The following EEFSEC variants were observed in gnomAD, a reference collection of about 807,000 sequenced individuals.
EEFSEC encodes the protein eukaryotic elongation factor, selenocysteine-tRNA specific.
Under a neutral mutation model 42.1 loss-of-function variants are expected in EEFSEC, and 43 were observed. The ratio of observed to expected loss-of-function variants is 1.02; its 90% CI spans 0.80 to 1.32. EEFSEC has a LOEUF of 1.32. Among genes scored for constraint, EEFSEC ranks in the 40% most tolerant of loss-of-function variants. The pLI, the probability that EEFSEC is intolerant of heterozygous loss-of-function variation, is 0.00. For missense variants in EEFSEC, 745 were observed against 803.6 expected (o/e 0.93, Z 0.88); for synonymous variants, 354 against 339.1 (o/e 1.04, Z -0.48).
At chr3:128,342,328 G>GCC (rs1307804825) in intron 5 of EEFSEC, among the ~76,000 whole-genome samples, 1 of 152,262 alleles carries the variant, frequency 6.6e-6, no homozygotes, top group East Asian at 1.9e-4. Context: ...CTGCCCATGT[G>GCC]CCCCTGCAAG....
intron 1 of EEFSEC, among the ~76,000 whole-genome samples, chr3:128,184,292 C>G (rs1311743423): frequency 6.6e-6 from 1 of 152,160 alleles, no homozygotes; most frequent in African/African-American, 2.4e-5. Flanking sequence ...TCTCCAGAAC[C>G]TTTTCATCTT....
chr3:128,260,126 GA>G (rs1047414117), intron 2 of EEFSEC, among the ~76,000 whole-genome samples: 117 of 148,028 alleles, frequency 7.9e-4, no homozygotes, highest in African/African-American at 2.3e-3. Context: ...TTGGTTGGTA[GA>G]TTTTTTTTAT....
intron 4 of EEFSEC, among the ~76,000 whole-genome samples, chr3:128,277,931 C>T (rs1283420525): frequency 6.6e-6 from 1 of 152,010 alleles, no homozygotes; most frequent in Non-Finnish European, 1.5e-5. Flanking sequence ...ATGCAAAGGC[C>T]CCATGGTGGG....
chr3:128,378,182 A>C (rs1365614618), intron 6 of EEFSEC, among the ~76,000 whole-genome samples: 2 of 152,136 alleles, frequency 1.3e-5, no homozygotes, highest in Non-Finnish European at 2.9e-5. Context: ...ATCCAGAGGC[A>C]CCTCTACCAA....
chr3:128,248,691 G>A (rs1392112684), intron 2 of EEFSEC, among the ~76,000 whole-genome samples: 1 of 151,956 alleles, frequency 6.6e-6, no homozygotes, highest in African/African-American at 2.4e-5. Context: ...AAAAAACCCA[G>A]TACAACCTCA....
intron 5 of EEFSEC, 47 bp from the exon 6 acceptor site, chr3:128,358,170 T>C (rs778275078): frequency 1.9e-5 from 30 of 1,595,576 alleles, no homozygotes; most frequent in Non-Finnish European, 2.2e-5. Flanking sequence ...GCTCTTTCAG[T>C]GTGCACCACT....
At chr3:128,278,673 T>C (rs1336002735) in intron 4 of EEFSEC, among the ~76,000 whole-genome samples, 1 of 152,218 alleles carries the variant, frequency 6.6e-6, no homozygotes, top group Non-Finnish European at 1.5e-5. Context: ...TCTAAAGTTA[T>C]AATTCCGATG....
chr3:128,233,032 C>T (rs1366023875), intron 1 of EEFSEC, among the ~76,000 whole-genome samples: 4 of 152,162 alleles, frequency 2.6e-5, no homozygotes, highest in Non-Finnish European at 2.9e-5. Context: ...TCCTGGCTGA[C>T]GATAAGCTGA....
chr3:128,280,826 A>C (rs145457772), intron 4 of EEFSEC, among the ~76,000 whole-genome samples: 90 of 151,952 alleles, frequency 5.9e-4, no homozygotes, highest in African/African-American at 2.0e-3. Flanking sequence ...GTTTCTGCTC[A>C]TTTCTCTGAA....
intron 4 of EEFSEC, among the ~76,000 whole-genome samples, chr3:128,284,997 C>T (rs2107973446): frequency 6.6e-6 from 1 of 151,848 alleles, no homozygotes; most frequent in African/African-American, 2.4e-5. Flanking sequence ...GACCCCTGGC[C>T]AGGTGGGAGT....
At chr3:128,161,560 C>T (rs1433260725) in intron 1 of EEFSEC, among the ~76,000 whole-genome samples, 2 of 152,208 alleles carry the variant, frequency 1.3e-5, no homozygotes, top group Non-Finnish European at 2.9e-5. Flanking sequence ...CTGCAAAAGA[C>T]TTCTAAGTCT....
chr3:128,362,809 G>A (rs1196827536), intron 6 of EEFSEC, among the ~76,000 whole-genome samples: 4 of 152,216 alleles, frequency 2.6e-5, no homozygotes, highest in East Asian at 3.9e-4. Flanking sequence ...TCCTAGCAGC[G>A]GGTGCTGCTC....
intron 1 of EEFSEC, among the ~76,000 whole-genome samples, chr3:128,167,798 C>G (rs925438668): frequency 2.0e-5 from 3 of 152,202 alleles, no homozygotes; most frequent in African/African-American, 2.4e-5. Flanking sequence ...TAACATAGAT[C>G]CCTCCCAGAT....
chr3:128,244,061 G>T (rs973042959), intron 1 of EEFSEC, among the ~76,000 whole-genome samples: 3 of 152,206 alleles, frequency 2.0e-5, no homozygotes, highest in Non-Finnish European at 4.4e-5. Flanking sequence ...TTGGTTCTGT[G>T]GGCACAGCTT....
intron 1 of EEFSEC, among the ~76,000 whole-genome samples, chr3:128,172,015 A>G (rs1371151396): frequency 1.3e-5 from 2 of 152,198 alleles, no homozygotes; most frequent in Admixed American, 1.3e-4. Context: ...ATACTCTGTC[A>G]TTTTATATCA....
At chr3:128,423,945 G>A in the EEFSEC span, among the ~76,000 whole-genome samples, 1 of 152,210 alleles carries the variant, frequency 6.6e-6, no homozygotes, top group East Asian at 1.9e-4. Context: ...CCAGAGCCTT[G>A]GTGGGTAGGG....
chr3:128,212,674 A>G (rs2065770834), intron 1 of EEFSEC, among the ~76,000 whole-genome samples: 2 of 152,214 alleles, frequency 1.3e-5, no homozygotes, highest in South Asian at 4.1e-4. Flanking sequence ...CTTCTGTTCA[A>G]TGTTTTTAAA....
intron 6 of EEFSEC, chr3:128,362,389 A>T: frequency 2.4e-6 from 1 of 416,350 alleles, no homozygotes. Context: ...CTGGGCATTT[A>T]CTCTAGGACA....
intron 4 of EEFSEC, among the ~76,000 whole-genome samples, chr3:128,333,117 C>T (rs745469667): frequency 1.3e-5 from 2 of 152,174 alleles, no homozygotes; most frequent in Non-Finnish European, 2.9e-5. Flanking sequence ...AGGTCCCAAC[C>T]CTAGCCCTTG....
Sources: allele counts gnomAD v4.1 joint callset (sites outside exome capture counted in the v4.1 genomes callset), GRCh38; gene constraint gnomAD v4.1.1; transcripts MANE v1.5; gene names NCBI Gene and HGNC (gene_info 2026-07-23, HGNC 2026-07-21).